The following RNGTT variants were observed in gnomAD, a reference collection of about 807,000 sequenced individuals.
The protein encoded by RNGTT is mRNA-capping enzyme.
A neutral mutation model predicts 79.3 loss-of-function variants in RNGTT; 33 were observed. That is an observed-to-expected ratio of 0.42 (90% CI 0.32 to 0.56). The LOEUF (loss-of-function observed/expected upper bound fraction) is 0.56. Among genes scored for constraint, RNGTT ranks in the 20% least tolerant of loss-of-function variants. RNGTT has a pLI of 0.17. For synonymous variants in RNGTT, 222 were observed against 235.9 expected, an observed-to-expected ratio of 0.94 and a Z score of 0.54; for missense variants, 497 against 739.1, an observed-to-expected ratio of 0.67 and a Z score of 3.80.
intron 11 of RNGTT, among the ~76,000 whole-genome samples, chr6:88,836,003 C>T (rs1236123826): frequency 2.5e-5 from 3 of 121,300 alleles, no homozygotes; most frequent in Admixed American, 8.7e-5. Context: ...CACACACACA[C>T]ACACACACAC....
chr6:88,818,063 C>T (rs1780382797), intron 11 of RNGTT, among the ~76,000 whole-genome samples: 1 of 151,818 alleles, frequency 6.6e-6, no homozygotes, highest in African/African-American at 2.4e-5. Flanking sequence ...CCGGCCTATT[C>T]ACATCATTTT....
intron 4 of RNGTT, among the ~76,000 whole-genome samples, chr6:88,917,156 G>A (rs1039811974): frequency 1.3e-5 from 2 of 152,160 alleles, no homozygotes; most frequent in African/African-American, 4.8e-5. Context: ...CTTGGACTTT[G>A]AGAATAGGTT....
intron 14 of RNGTT, among the ~76,000 whole-genome samples, chr6:88,629,583 T>C (rs1373224310): frequency 1.3e-5 from 2 of 152,238 alleles, no homozygotes; most frequent in Admixed American, 1.3e-4. Flanking sequence ...GTAAGGAGAA[T>C]GTGTTCTAGT....
chr6:88,943,090 T>C (rs1375507925), intron 1 of RNGTT, among the ~76,000 whole-genome samples: 1 of 152,216 alleles, frequency 6.6e-6, no homozygotes, highest in Non-Finnish European at 1.5e-5. Context: ...TCATCTAGTC[T>C]CATGGCTTTA....
intron 12 of RNGTT, 117 bp downstream of exon 12, chr6:88,801,447 T>C: frequency 3.0e-6 from 2 of 676,060 alleles, no homozygotes; most frequent in Admixed American, 2.8e-5. Context: ...ACAGCAGTAA[T>C]CAATCCCAAG....
intron 11 of RNGTT, among the ~76,000 whole-genome samples, chr6:88,816,948 C>T (rs1780333235): frequency 6.6e-6 from 1 of 152,040 alleles, no homozygotes; most frequent in South Asian, 2.1e-4. Flanking sequence ...AATATGGAGA[C>T]CTAAAACTAT....
chr6:88,651,906 A>C (rs888421092), intron 14 of RNGTT, among the ~76,000 whole-genome samples: 1 of 152,138 alleles, frequency 6.6e-6, no homozygotes, highest in Non-Finnish European at 1.5e-5. Context: ...GTCTGTGCAC[A>C]TAGGCGGTGG....
chr6:88,703,340 A>T (rs1776006833), intron 13 of RNGTT, among the ~76,000 whole-genome samples: 1 of 152,240 alleles, frequency 6.6e-6, no homozygotes, highest in Admixed American at 6.5e-5. Flanking sequence ...AACATGTGGT[A>T]CACATACACC....
chr6:88,733,198 G>A (rs1019919965), intron 13 of RNGTT, among the ~76,000 whole-genome samples: 1 of 151,694 alleles, frequency 6.6e-6, no homozygotes, highest in Admixed American at 6.6e-5. Flanking sequence ...CCATCTCTAC[G>A]AAAAATACAA....
At chr6:88,636,148 C>T (rs573420083) in intron 14 of RNGTT, among the ~76,000 whole-genome samples, 1 of 152,068 alleles carries the variant, frequency 6.6e-6, no homozygotes, top group East Asian at 1.9e-4. Flanking sequence ...CCAGCACCTC[C>T]CTGTTGAATG....
chr6:88,930,029 T>C (rs1222873847), intron 2 of RNGTT, among the ~76,000 whole-genome samples: 1 of 145,150 alleles, frequency 6.9e-6, no homozygotes, highest in Admixed American at 6.9e-5. Flanking sequence ...TACACATATA[T>C]GCATATATAT....
chr6:88,854,769 T>C (rs1781790748), intron 8 of RNGTT, among the ~76,000 whole-genome samples: 1 of 152,216 alleles, frequency 6.6e-6, no homozygotes, highest in Admixed American at 6.5e-5. Flanking sequence ...CAACCTGTCA[T>C]TCTTCAAATG....
At chr6:88,903,840 T>C (rs1353327365) in intron 6 of RNGTT, among the ~76,000 whole-genome samples, 1 of 152,240 alleles carries the variant, frequency 6.6e-6, no homozygotes, top group Non-Finnish European at 1.5e-5. Flanking sequence ...GCCTATATCA[T>C]ATACTTGTGT....
chr6:88,709,357 G>A lies in RNGTT; in HGVS notation c.1440-30938C>T, dbSNP rs75290085. Among the ~76,000 whole-genome samples, 415 of 151,518 alleles carry A rather than the reference G, an allele frequency of 2.7e-3. 3 individuals carry two copies. Among genetic ancestry groups the A allele is most frequent in the African/African-American group, 9.7e-3 (403 of 41,340 alleles). ...AGAATCTTATGCTGGAACACTAACAGCTCTCAAACTGGACCGAGGCTGAGA... is the reference window on the plus strand; with the variant it reads ...AGAATCTTATGCTGGAACACTAACAACTCTCAAACTGGACCGAGGCTGAGA... On this transcript the variant is annotated intron_variant, in intron 13 of 15. Coordinates refer to ENST00000369485, the MANE Select transcript of RNGTT (RefSeq NM_003800.5).
At chr6:88,906,282 G>C (rs998831722) in intron 5 of RNGTT, 83 bp downstream of exon 5, 1 of 822,494 alleles carries the variant, frequency 1.2e-6, no homozygotes, top group Non-Finnish European at 1.9e-6. Context: ...CCAAAAACTT[G>C]ACAATACAAA....
chr6:88,881,977 C>T (rs1443482108), intron 8 of RNGTT, among the ~76,000 whole-genome samples: 1 of 152,132 alleles, frequency 6.6e-6, no homozygotes, highest in African/African-American at 2.4e-5. Flanking sequence ...TTTCCCTTAG[C>T]TTGAATGACA....
At chr6:88,930,379 G>A (rs776180943) in intron 2 of RNGTT, among the ~76,000 whole-genome samples, 14 of 151,714 alleles carry the variant, frequency 9.2e-5, no homozygotes, top group Non-Finnish European at 1.5e-4. Flanking sequence ...ATGGTAGTAC[G>A]GGAAATTTGG....
intron 14 of RNGTT, among the ~76,000 whole-genome samples, chr6:88,669,158 T>A (rs1258003705): frequency 6.6e-6 from 1 of 152,104 alleles, no homozygotes; most frequent in East Asian, 1.9e-4. Flanking sequence ...AACCTTTTAA[T>A]CCAAGGGGAG....
chr6:88,720,811 A>T (rs566301543), intron 13 of RNGTT, among the ~76,000 whole-genome samples: 13 of 152,282 alleles, frequency 8.5e-5, no homozygotes, highest in South Asian at 4.1e-4. Flanking sequence ...TTTAACATTC[A>T]TTAAGGGTTA....
Sources: allele counts gnomAD v4.1 joint callset (sites outside exome capture counted in the v4.1 genomes callset), GRCh38; gene constraint gnomAD v4.1.1; transcripts MANE v1.5; gene names NCBI Gene and HGNC (gene_info 2026-07-23, HGNC 2026-07-21).